CDAN1: variants seen among roughly 807,000 people sequenced by gnomAD.
CDAN1 encodes codanin 1.
CDAN1 carries 107 observed loss-of-function variants against 139.8 expected under a neutral mutation model. The ratio of observed to expected loss-of-function variants is 0.77; its 90% confidence interval spans 0.65 to 0.90. The LOEUF (loss-of-function observed/expected upper bound fraction) is 0.90, where lower values mean the gene tolerates loss of function less well. CDAN1 is among the 40% of genes least tolerant of loss of function. The probability of loss-of-function intolerance (pLI) is 0.00; values close to 1 mark genes in which losing one functional copy is unlikely to be tolerated. For missense variants in CDAN1, 1,667 were observed against 1,575.7 expected, an observed-to-expected ratio of 1.06 and a Z score of -0.98; for synonymous variants, 776 against 660.6, an observed-to-expected ratio of 1.17 and a Z score of -2.68.
At chr15:42,731,562 G>T in intron 11 of CDAN1, 58 bp downstream of exon 11, 1 of 1,582,316 alleles carries the variant, frequency 6.3e-7, no homozygotes, top group Non-Finnish European at 8.7e-7. Context: ...TACCCTTTTG[G>T]GAAGCCAAAC....
chr15:42,729,278 G>T lies in CDAN1; in HGVS notation c.2492C>A (p.Thr831Asn). ...GGFMRKITPTTTTSLGAQPSQ... is the reference protein window; with the variant it reads ...GGFMRKITPTNTTSLGAQPSQ... Reference sequence around the variant, plus strand: ...AGGCTGGGCTCCCAGGCTGGTGGTAGTGGTGGGGGTGATTTTCCTCATGAA... The same window carrying T: ...AGGCTGGGCTCCCAGGCTGGTGGTATTGGTGGGGGTGATTTTCCTCATGAA... Residue 831 changes from threonine to asparagine, a missense_variant, in exon 18 of 28, where the codon ACT becomes AAT. This residue lies in a region of CDAN1 where 936 missense variants were observed against 844.1 expected (regional missense o/e 1.11). Coordinates refer to ENST00000356231, the MANE Select transcript of CDAN1 (RefSeq NM_138477.4). 1 of 1,613,978 alleles carries T rather than the reference G, an allele frequency of 6.2e-7. No homozygotes were observed. The highest frequency in any genetic ancestry group is 1.3e-5 in the African/African-American group (1 of 74,972).
rs369919247 is a variant in CDAN1, at chr15:42,727,733, C to T, written c.2984G>A (p.Arg995His). ...TTCAGGACCCTGGGCTCGAAGTGTG[C>T]GACTCACTGCTGCTTTCACCTCCCT... ...IRREVKAAVSRTLRAQGPEPA... is the reference protein window; with the variant it reads ...IRREVKAAVSHTLRAQGPEPA... Residue 995 changes from arginine to histidine, a missense_variant, in exon 23 of 28, where the codon CGC (arginine) becomes CAC (histidine). Transcript: ENST00000356231. 127 of 1,587,384 alleles carry T rather than the reference C, an allele frequency of 8.0e-5. No individual in the cohort carries two copies. The highest frequency in any genetic ancestry group is 8.0e-5 in the Non-Finnish European group (93 of 1,163,638).
At position 42,736,593 on chromosome 15, in the gene CDAN1, C is replaced by T. The variant is rs1291844363; in HGVS notation, c.278G>A (p.Ser93Asn). 27 of 1,499,056 alleles carry T rather than the reference C, an allele frequency of 1.8e-5. No individual in the cohort carries two copies. The East Asian group carries it at 6.5e-4, about 36-fold the overall frequency. The allele number at this position is 1,499,056 out of a possible 1,614,324, so 92.9% of individuals were successfully genotyped here. A position where few individuals can be genotyped will look rare whatever the true frequency, so the allele number is the denominator to read the frequency against. Residue 93 changes from serine to asparagine, a missense_variant, in exon 2 of 28, where the codon AGC becomes AAC. This residue lies in a region of CDAN1 where 487 missense variants were observed against 422.2 expected (regional missense o/e 1.15). Coordinates refer to ENST00000356231, the MANE Select transcript of CDAN1 (RefSeq NM_138477.4). ...GAAAAGCTGGCTGCGCGCCCCGCGGCTACCCCGCGGCGGGCCTCCCGGCCT... is the reference window on the plus strand; with the variant it reads ...GAAAAGCTGGCTGCGCGCCCCGCGGTTACCCCGCGGCGGGCCTCCCGGCCT... ...PGRPGGPPRG[S>N]RGARSQLFPP... is the part of the protein sequence containing the mutation.
chr15:42,725,905 G>A (rs1324964244), intron 25 of CDAN1, among the ~76,000 whole-genome samples, 192 bp downstream of exon 25: 1 of 148,440 alleles, frequency 6.7e-6, no homozygotes, highest in Non-Finnish European at 1.5e-5. Flanking sequence ...GAACCCGGGA[G>A]GCAGAGGTTG....
At position 42,728,239 on chromosome 15, in the gene CDAN1, C is replaced by G. The variant is rs756449578; in HGVS notation, c.2833G>C (p.Val945Leu). 21 of 1,613,992 alleles carry G rather than the reference C, an allele frequency of 1.3e-5. No individual in the cohort carries two copies. Among genetic ancestry groups the G allele is most frequent in the Middle Eastern group, 1.7e-4 (1 of 6,060 alleles). Residue 945 changes from valine to leucine, a missense_variant, in exon 21 of 28, where the codon GTG becomes CTG. Transcript: ENST00000356231. ...GTCTCCTCTGGAAGCAGCGCCCGCA[C>G]AGCCCCAGGGCTCTTCCTTTGACAG... ...EFCQRKSPGA[V>L]RALLPEETPA...
At chr15:42,725,765 G>T in intron 25 of CDAN1, 95 bp from the exon 26 acceptor site, 1 of 1,294,116 alleles carries the variant, frequency 7.7e-7, no homozygotes, top group Non-Finnish European at 1.1e-6. Flanking sequence ...GGCTGAGGTG[G>T]GCAGATCAGG....
chr15:42,736,511 GC>G lies in CDAN1; in HGVS notation c.359del (p.Gly120AlafsTer62). The G allele has an allele frequency of 7.0e-7, 1 of 1,418,678 alleles. No individual in the cohort carries two copies. Among genetic ancestry groups the G allele is most frequent in the Admixed American group, 3.3e-5 (1 of 30,738 alleles). 87.9% of individuals were successfully genotyped at this position (1,418,678 alleles called of 1,614,324 possible). On this transcript the variant is annotated frameshift_variant, in exon 2 of 28. Transcript: ENST00000356231. LOFTEE classifies it high-confidence loss of function. ...AAEAPLARRG[G>X]RRRGPGPARE... ...GGGCCGGCCCCGGGCCCCGCCTCCT[GC>G]CCCCGCGGCGGGCCAGAGGGGCCTC...
chr15:42,725,486 C>T lies in CDAN1; in HGVS notation c.3450+3G>A. ...AGAGGGCTTCTTGTTCCGTCTGACT[C>T]ACCTCCCTTGGCCTTGTGTCTGCCA... On this transcript the variant is annotated splice_donor_region_variant and intron_variant, in intron 26 of 27. Coordinates refer to ENST00000356231, the MANE Select transcript of CDAN1 (RefSeq NM_138477.4). 1.2e-6 allele frequency: 2 copies of T among 1,614,172 alleles called. No individual in the cohort carries two copies. Among genetic ancestry groups the T allele is most frequent in the Non-Finnish European group, 1.7e-6 (2 of 1,180,038 alleles).
intron 10 of CDAN1, 88 bp downstream of exon 10, chr15:42,732,245 G>A (rs1334626337): frequency 1.6e-6 from 2 of 1,249,040 alleles, no homozygotes; most frequent in Non-Finnish European, 2.4e-6. Context: ...CTGCCAGGCT[G>A]TCTGCCCTAT....
At chr15:42,728,517 A>T (rs1257143021) in intron 20 of CDAN1, 135 bp downstream of exon 20, 1 of 1,311,708 alleles carries the variant, frequency 7.6e-7, no homozygotes, top group Non-Finnish European at 1.1e-6. Flanking sequence ...TGCAGGGCTT[A>T]TAGAGAATGG....
In CDAN1 at chr15:42,730,247, A is replaced by G. The variant is rs568407244; in HGVS notation, c.2175-32T>C. The G allele has an allele frequency of 5.7e-6, 9 of 1,592,080 alleles. No individual in the cohort carries two copies. The South Asian group carries it at 7.7e-5, about 14-fold the overall frequency. On this transcript the variant is annotated intron_variant, in intron 14 of 27. Coordinates refer to ENST00000356231, the MANE Select transcript of CDAN1 (RefSeq NM_138477.4). ...CATCAATGGGCAGTACACGGGTTTG[A>G]GCAGAAAGGGGAAGGGAATGGAGGC... is the stretch of plus-strand genomic sequence containing the variant.
chr15:42,732,294 G>C, intron 10 of CDAN1, 39 bp downstream of exon 10: 1 of 1,578,082 alleles, frequency 6.3e-7, no homozygotes, highest in Non-Finnish European at 8.7e-7. Context: ...TGTGATGCCT[G>C]CTGTTTAATG....
chr15:42,726,773 C>T (rs762027616), intron 23 of CDAN1: 18 of 300,758 alleles, frequency 6.0e-5, no homozygotes, highest in African/African-American at 1.5e-4. Context: ...GTCTTAGTAT[C>T]GTCTGTCTCT....
At chr15:42,735,421 G>A (rs1309868527) in intron 4 of CDAN1, 47 bp from the exon 5 acceptor site, 3 of 1,593,738 alleles carry the variant, frequency 1.9e-6, no homozygotes, top group South Asian at 2.3e-5. Flanking sequence ...ACCATTTGGA[G>A]CCAAGGCTCA....
At chr15:42,729,922 A>ACGGCCCCCCCCCCCCCCCCCC in intron 15 of CDAN1, 37 bp from the exon 16 acceptor site, 2 of 1,513,162 alleles carry the variant, frequency 1.3e-6, no homozygotes, top group Non-Finnish European at 9.1e-7. Flanking sequence ...AACTTCAGAG[A>ACGGCCCCCCCCCCCCCCCCCC]CCCCCACCCA....
At chr15:42,725,743 A>T in intron 25 of CDAN1, 73 bp from the exon 26 acceptor site, 1 of 1,497,010 alleles carries the variant, frequency 6.7e-7, no homozygotes, top group Non-Finnish European at 9.2e-7. Context: ...CTATAATCCC[A>T]ACACTTCGGG....
intron 10 of CDAN1, among the ~76,000 whole-genome samples, chr15:42,732,042 A>C (rs112582258): frequency 6.6e-6 from 1 of 152,250 alleles, no homozygotes; most frequent in Non-Finnish European, 1.5e-5. Flanking sequence ...TAGAGCTAGG[A>C]TCTGAAACAA....
Position 42,726,307 on chromosome 15 carries a change from C to A in CDAN1, c.3204+3G>T. The A allele has an allele frequency of 6.3e-7, 1 of 1,586,480 alleles. No homozygotes were observed. The highest frequency in any genetic ancestry group is 2.3e-5 in the East Asian group (1 of 43,556). ...CCCCCCGGTGGCAGATGCCACAGCT[C>A]ACCTGGCGGCACCGCAGCGTCTGGC... On this transcript the variant is annotated splice_donor_region_variant and intron_variant, in intron 24 of 27. Coordinates refer to ENST00000356231, the MANE Select transcript of CDAN1 (RefSeq NM_138477.4).
Position 42,729,364 on chromosome 15 carries a change from T to C in CDAN1, c.2408-2A>G, listed in dbSNP as rs1485083932. ...AAGCGAGCAGTTTCCGGAGCTCTCCTGTATCAGTGAAGTCCAAGTTCTCAG... is the reference window on the plus strand; with the variant it reads ...AAGCGAGCAGTTTCCGGAGCTCTCCCGTATCAGTGAAGTCCAAGTTCTCAG... On this transcript the variant is annotated splice_acceptor_variant, in intron 17 of 27. Transcript: ENST00000356231. LOFTEE classifies it high-confidence loss of function. The C allele has an allele frequency of 6.2e-7, 1 of 1,614,170 alleles. No individual in the cohort carries two copies. The highest frequency in any genetic ancestry group is 8.5e-7 in the Non-Finnish European group (1 of 1,180,010).
Sources: allele counts gnomAD v4.1 joint callset (sites outside exome capture counted in the v4.1 genomes callset), GRCh38; gene constraint gnomAD v4.1.1; regional missense constraint gnomAD v4.1.1; transcripts MANE v1.5; gene names NCBI Gene and HGNC (gene_info 2026-07-23, HGNC 2026-07-21).